The following PTPRT variants were observed in gnomAD, a reference collection of about 807,000 sequenced individuals.
PTPRT encodes the protein protein tyrosine phosphatase receptor type T.
Under a neutral mutation model 176.8 loss-of-function variants are expected in PTPRT, and 56 were observed. That is an observed-to-expected ratio of 0.32 (90% confidence interval 0.26 to 0.40). The LOEUF is 0.40. Ranked by LOEUF, PTPRT falls within the 10% of genes least tolerant of loss-of-function variation. The pLI is 1.00. For synonymous variants in PTPRT, 783 were observed against 739.0 expected, an observed-to-expected ratio of 1.06 and a Z score of -0.96; for missense variants, 1,540 against 1,908.2, an observed-to-expected ratio of 0.81 and a Z score of 3.60.
chr20:42,548,926 T>G (rs910725960), intron 7 of PTPRT, among the ~76,000 whole-genome samples: 3 of 152,138 alleles, frequency 2.0e-5, no homozygotes, highest in Non-Finnish European at 4.4e-5. Context: ...TTACACTGAA[T>G]AGGTTGGCAG....
intron 6 of PTPRT, among the ~76,000 whole-genome samples, chr20:42,755,323 C>A (rs1005426492): frequency 2.6e-5 from 4 of 152,230 alleles, no homozygotes; most frequent in Middle Eastern, 3.4e-3. Context: ...AGTTTCCACA[C>A]CCACCCATAC....
At position 43,083,351 on chromosome 20, in the gene PTPRT, T is replaced by TATATACAC. The variant is rs2011510450; in HGVS notation, c.88+106294_88+106295insGTGTATAT. The stretch of plus-strand genomic sequence containing the variant: ...ATATATATATATATATATATATATA[T>TATATACAC]ATATATATATATATATATACATTTT... On this transcript the variant is annotated intron_variant, in intron 1 of 30. Transcript: ENST00000373187. Among the ~76,000 whole-genome samples, 55 of 114,290 alleles carry TATATACAC rather than the reference T, an allele frequency of 4.8e-4. 3 individuals are homozygous for TATATACAC. The highest frequency in any genetic ancestry group is 7.6e-4 in the Non-Finnish European group (42 of 55,068). The allele number at this position is 114,290 out of a possible 152,430, so 75.0% of individuals were successfully genotyped here. A position where few individuals can be genotyped will look rare whatever the true frequency, so the allele number is the denominator to read the frequency against.
intron 1 of PTPRT, among the ~76,000 whole-genome samples, chr20:43,088,788 C>T (rs1322469657): frequency 6.6e-6 from 1 of 152,100 alleles, no homozygotes; most frequent in Admixed American, 6.5e-5. Context: ...GAAAAATGCT[C>T]ACCTCTGAAT....
chr20:42,147,614 C>T (rs1988927692), intron 17 of PTPRT, among the ~76,000 whole-genome samples: 1 of 152,192 alleles, frequency 6.6e-6, no homozygotes, highest in Non-Finnish European at 1.5e-5. Context: ...GTCCTCTCAC[C>T]ATCAACAAAC....
At chr20:42,190,814 T>TC in intron 16 of PTPRT, among the ~76,000 whole-genome samples, 1 of 152,144 alleles carries the variant, frequency 6.6e-6, no homozygotes, top group East Asian at 1.9e-4. Context: ...TAATAACATC[T>TC]ACAGAAGGCA....
At chr20:42,571,648 T>C (rs2073156219) in intron 7 of PTPRT, among the ~76,000 whole-genome samples, 1 of 152,192 alleles carries the variant, frequency 6.6e-6, no homozygotes, top group African/African-American at 2.4e-5. Flanking sequence ...AATTACTGGA[T>C]CAGAGGATGT....
intron 3 of PTPRT, among the ~76,000 whole-genome samples, chr20:42,784,662 G>A (rs533427985): frequency 1.7e-4 from 26 of 152,256 alleles, no homozygotes; most frequent in African/African-American, 6.3e-4. Context: ...TCCAGGGAAA[G>A]GGACTGAGTT....
At chr20:43,086,454 G>A (rs1190500643) in intron 1 of PTPRT, among the ~76,000 whole-genome samples, 1 of 152,224 alleles carries the variant, frequency 6.6e-6, no homozygotes, top group Non-Finnish European at 1.5e-5. Flanking sequence ...CACACGTACT[G>A]TGTTGAATTA....
chr20:42,154,858 C>G (rs980496122), intron 17 of PTPRT, among the ~76,000 whole-genome samples: 4 of 152,080 alleles, frequency 2.6e-5, no homozygotes, highest in Non-Finnish European at 4.4e-5. Context: ...AGAACTGGAG[C>G]TGGGGGGGAA....
At chr20:43,083,013 C>A (rs946136643) in intron 1 of PTPRT, among the ~76,000 whole-genome samples, 1 of 151,730 alleles carries the variant, frequency 6.6e-6, no homozygotes, top group Non-Finnish European at 1.5e-5. Flanking sequence ...CTATATAAAC[C>A]CCTAATTTTA....
intron 9 of PTPRT, among the ~76,000 whole-genome samples, chr20:42,393,879 G>T (rs770078607): frequency 9.2e-5 from 14 of 152,160 alleles, no homozygotes; most frequent in Non-Finnish European, 1.8e-4. Context: ...CGTTGGGTGA[G>T]TAAAGAGGGT....
chr20:42,132,712 C>G (rs1316986773), intron 18 of PTPRT, among the ~76,000 whole-genome samples: 1 of 151,980 alleles, frequency 6.6e-6, no homozygotes, highest in African/African-American at 2.4e-5. Context: ...TCATTCATTG[C>G]TGGTGGGAAT....
chr20:42,505,989 G>A (rs1033174479), intron 7 of PTPRT, among the ~76,000 whole-genome samples: 8 of 152,008 alleles, frequency 5.3e-5, no homozygotes, highest in East Asian at 1.9e-4. Flanking sequence ...CTTTCCTCCC[G>A]CGTTGTATGA....
intron 1 of PTPRT, among the ~76,000 whole-genome samples, chr20:43,015,449 A>G (rs1370071804): frequency 1.3e-5 from 2 of 152,224 alleles, no homozygotes; most frequent in East Asian, 1.9e-4. Flanking sequence ...GGGTATCATA[A>G]TTCAGTGAAT....
intron 2 of PTPRT, among the ~76,000 whole-genome samples, chr20:42,807,372 G>T (rs1471086281): frequency 6.6e-6 from 1 of 152,124 alleles, no homozygotes; most frequent in African/African-American, 2.4e-5. Flanking sequence ...ATGCTTTTGT[G>T]CTGTTCTCAT....
At chr20:42,441,606 G>A (rs753760946) in intron 9 of PTPRT, among the ~76,000 whole-genome samples, 1 of 152,170 alleles carries the variant, frequency 6.6e-6, no homozygotes, top group Non-Finnish European at 1.5e-5. Context: ...GTGTGGAAGG[G>A]GGTGGGCAGG....
intron 1 of PTPRT, among the ~76,000 whole-genome samples, chr20:42,893,754 C>T (rs1215918486): frequency 2.0e-5 from 3 of 151,018 alleles, no homozygotes; most frequent in African/African-American, 7.3e-5. Flanking sequence ...AGTAAACTAT[C>T]GCAAGGACAA....
At chr20:42,175,297 C>G (rs778519919) in intron 16 of PTPRT, among the ~76,000 whole-genome samples, 1 of 152,146 alleles carries the variant, frequency 6.6e-6, no homozygotes, top group Non-Finnish European at 1.5e-5. Flanking sequence ...TCTCTCTGTC[C>G]TTTCCCCTCT....
chr20:42,066,798 C>G, the PTPRT span, among the ~76,000 whole-genome samples: 1 of 152,084 alleles, frequency 6.6e-6, no homozygotes, highest in African/African-American at 2.4e-5. Flanking sequence ...TTTCTATATT[C>G]ACTATTATAT....
Sources: allele counts gnomAD v4.1 joint callset (sites outside exome capture counted in the v4.1 genomes callset), GRCh38; gene constraint gnomAD v4.1.1; transcripts MANE v1.5; gene names NCBI Gene and HGNC (gene_info 2026-07-23, HGNC 2026-07-21).